Variants in CNTN1 observed in about 807,000 individuals in gnomAD.
CNTN1 encodes contactin-1.
In CNTN1, 38 loss-of-function variants were observed where a neutral mutation model predicts 126.4. The observed-to-expected ratio is 0.30, with a 90% CI of 0.23 to 0.39. The LOEUF is 0.39. Ranked by LOEUF, CNTN1 falls within the 10% of genes least tolerant of loss-of-function variation. The probability of loss-of-function intolerance (pLI) is 1.00; values close to 1 mark genes in which losing one functional copy is unlikely to be tolerated. For missense variants in CNTN1, 1,009 were observed against 1,248.4 expected (o/e 0.81, Z 2.89); for synonymous variants, 413 against 422.6 (o/e 0.98, Z 0.28).
chr12:40,742,217 G>A (rs1188713704), intron 1 of CNTN1: 5 of 152,042 alleles, frequency 3.3e-5, no homozygotes, highest in Non-Finnish European at 7.4e-5. Context: ...AGAACTTCAG[G>A]AAAGTTTCAT....
At chr12:40,730,551 A>T (rs1171790422) in intron 1 of CNTN1, among the ~76,000 whole-genome samples, 1 of 152,208 alleles carries the variant, frequency 6.6e-6, no homozygotes, top group Non-Finnish European at 1.5e-5. Context: ...AAATGACCTC[A>T]GTTGCCCAAT....
intron 23 of CNTN1, among the ~76,000 whole-genome samples, chr12:41,052,436 A>G (rs1555205282): frequency 6.6e-6 from 1 of 152,204 alleles, no homozygotes; most frequent in Non-Finnish European, 1.5e-5. Context: ...CTGGAACAAC[A>G]CAGACACAAT....
intron 3 of CNTN1, among the ~76,000 whole-genome samples, chr12:40,912,470 A>G (rs1397057396): frequency 1.3e-5 from 2 of 152,042 alleles, no homozygotes; most frequent in African/African-American, 2.4e-5. Flanking sequence ...GAAAATAAGT[A>G]TCTTTCATTC....
At chr12:40,897,399 A>T (rs983693891) in intron 1 of CNTN1, among the ~76,000 whole-genome samples, 3 of 152,148 alleles carry the variant, frequency 2.0e-5, no homozygotes, top group African/African-American at 7.2e-5. Context: ...TACTGTTATT[A>T]CTAACTGGGG....
At chr12:40,726,822 A>G (rs1436415407) in intron 1 of CNTN1, among the ~76,000 whole-genome samples, 1 of 151,656 alleles carries the variant, frequency 6.6e-6, no homozygotes, top group Non-Finnish European at 1.5e-5. Context: ...AGGAAAATGA[A>G]TTAAAATAAG....
chr12:40,745,091 C>T (rs951116462), intron 1 of CNTN1, among the ~76,000 whole-genome samples: 14 of 152,114 alleles, frequency 9.2e-5, no homozygotes, highest in African/African-American at 3.1e-4. Context: ...TATTGAATTG[C>T]ACCAAATTTC....
At chr12:41,019,590 C>T (rs1354996027) in intron 19 of CNTN1, among the ~76,000 whole-genome samples, 1 of 152,088 alleles carries the variant, frequency 6.6e-6, no homozygotes, top group African/African-American at 2.4e-5. Context: ...TTAAAGCCTT[C>T]ATTGGTTTCT....
intron 1 of CNTN1, among the ~76,000 whole-genome samples, chr12:40,743,390 G>A (rs1297593535): frequency 6.6e-6 from 1 of 152,044 alleles, no homozygotes; most frequent in Non-Finnish European, 1.5e-5. Flanking sequence ...ATAGAGGCAG[G>A]GAGATTGTTG....
intron 23 of CNTN1, among the ~76,000 whole-genome samples, chr12:41,038,412 T>A (rs1949318785): frequency 6.6e-6 from 1 of 152,092 alleles, no homozygotes; most frequent in Non-Finnish European, 1.5e-5. Flanking sequence ...TCCCTCTCCT[T>A]GGCTTGTAGA....
intron 1 of CNTN1, among the ~76,000 whole-genome samples, chr12:40,838,908 G>A (rs1477607040): frequency 6.6e-6 from 1 of 152,168 alleles, no homozygotes; most frequent in Admixed American, 6.5e-5. Context: ...TAATTCTCTA[G>A]TAATAGATCT....
At position 40,785,459 on chromosome 12, in the gene CNTN1, A is replaced by G. The variant is rs1438495763; in HGVS notation, c.-77+92867A>G. ...CCAAACAGGCTTTGTGTGAGCAACA[A>G]GGCTGTTTATTTCACCTGGGTGCGG... On this transcript the variant is annotated intron_variant, in intron 1 of 23. Coordinates refer to ENST00000551295, the MANE Select transcript of CNTN1 (RefSeq NM_001843.4). Among the ~76,000 whole-genome samples the G allele has an allele frequency of 3.9e-5, 6 of 152,266 alleles. No individual in the cohort carries two copies. In the East Asian group the frequency reaches 1.2e-3, roughly 29 times the overall value.
chr12:41,062,998 A>G (rs1471375068), intron 23 of CNTN1, among the ~76,000 whole-genome samples: 2 of 152,204 alleles, frequency 1.3e-5, no homozygotes, highest in Admixed American at 6.5e-5. Flanking sequence ...TCTTCACCAT[A>G]AATTTACCAT....
chr12:40,908,504 T>G lies in CNTN1; in HGVS notation c.61+11T>G. ...CTACCTGTTTAGCAGGTAAGAAATA[T>G]CCTTTGTATATTCTACATATATTAT... On this transcript the variant is annotated intron_variant, in intron 2 of 23. Coordinates refer to ENST00000551295, the MANE Select transcript of CNTN1 (RefSeq NM_001843.4). 6.4e-7 allele frequency: 1 copy of G among 1,552,040 alleles called. No individual in the cohort carries two copies.
At chr12:40,693,374 C>T (rs1336889634) in intron 1 of CNTN1, among the ~76,000 whole-genome samples, 1 of 152,102 alleles carries the variant, frequency 6.6e-6, no homozygotes, top group African/African-American at 2.4e-5. Flanking sequence ...AGTGATTGTG[C>T]CCGGATGGGC....
intron 1 of CNTN1, among the ~76,000 whole-genome samples, chr12:40,781,988 T>G (rs1769581371): frequency 6.6e-6 from 1 of 151,992 alleles, no homozygotes; most frequent in Non-Finnish European, 1.5e-5. Context: ...ATTAGTCATC[T>G]TGAGAGAATA....
At chr12:40,844,069 A>ATTTTTTTTTTTTTTTTTTTTTT (rs397957366) in intron 1 of CNTN1, among the ~76,000 whole-genome samples, 1,220 of 84,518 alleles carry the variant, frequency 0.014, 326 homozygotes, top group South Asian at 0.03. Context: ...TGGCACAATG[A>ATTTTTTTTTTTTTTTTTTTTTT]TTTTTTTTTT....
intron 20 of CNTN1, among the ~76,000 whole-genome samples, chr12:41,021,988 G>A (rs550286522): frequency 1.1e-4 from 17 of 151,878 alleles, no homozygotes; most frequent in African/African-American, 3.4e-4. Context: ...TTGAAAAAAG[G>A]ATAATTTAAC....
At chr12:40,786,570 A>G (rs1208301658) in intron 1 of CNTN1, among the ~76,000 whole-genome samples, 3 of 152,208 alleles carry the variant, frequency 2.0e-5, no homozygotes, top group African/African-American at 7.2e-5. Context: ...GAATATTATT[A>G]GTAGAAGTAT....
At chr12:40,851,441 T>C (rs1565831345) in intron 1 of CNTN1, among the ~76,000 whole-genome samples, 2 of 152,220 alleles carry the variant, frequency 1.3e-5, no homozygotes, top group Non-Finnish European at 2.9e-5. Flanking sequence ...GCATGAAATA[T>C]GCAGTCAAAA....
Sources: allele counts gnomAD v4.1 joint callset (sites outside exome capture counted in the v4.1 genomes callset), GRCh38; gene constraint gnomAD v4.1.1; transcripts MANE v1.5; gene names NCBI Gene and HGNC (gene_info 2026-07-23, HGNC 2026-07-21).